The following SLC44A1 variants were observed in gnomAD, a reference collection of about 807,000 sequenced individuals.
SLC44A1 encodes choline transporter-like protein 1.
In SLC44A1, 26 loss-of-function variants were observed where a neutral mutation model predicts 79.3. The ratio of observed to expected loss-of-function variants is 0.33; its 90% CI spans 0.24 to 0.46. The LOEUF is 0.46. Ranked by LOEUF, SLC44A1 falls within the 20% of genes least tolerant of loss-of-function variation. SLC44A1 has a pLI of 1.00. For missense variants in SLC44A1, 688 were observed against 798.1 expected (o/e 0.86, Z 1.66); for synonymous variants, 263 against 286.2 (o/e 0.92, Z 0.82).
At chr9:105,410,964 T>A (rs1031872686) in intron 15 of SLC44A1, among the ~76,000 whole-genome samples, 3 of 152,180 alleles carry the variant, frequency 2.0e-5, no homozygotes, top group Non-Finnish European at 4.4e-5. Flanking sequence ...ATTCCATGTA[T>A]ATGAAATATC....
At chr9:105,305,632 A>G (rs1237594539) in intron 2 of SLC44A1, among the ~76,000 whole-genome samples, 2 of 152,112 alleles carry the variant, frequency 1.3e-5, no homozygotes, top group African/African-American at 2.4e-5. Context: ...CATTAATTCC[A>G]CAGGAGAGGG....
chr9:105,244,677 CGGGGGATGTG>C lies in SLC44A1; in HGVS notation c.-190_-181del. ...GACGCGTAGCCGCCGTCGCCGCCGC[CGGGGGATGTG>C]GCCGGCGCCTGCCTCTAGCCGCGCC... On this transcript the variant is annotated 5_prime_UTR_variant, in exon 1 of 16. It removes an upstream start codon present in the reference 5' UTR. Transcript: ENST00000374720. The C allele has an allele frequency of 3.6e-6, 1 of 275,748 alleles. No homozygotes were observed. The highest frequency in any genetic ancestry group is 6.7e-6 in the Non-Finnish European group (1 of 148,946). 17.1% of individuals were successfully genotyped at this position (275,748 alleles called of 1,614,324 possible). A position where few individuals can be genotyped will look rare whatever the true frequency, so the allele number is the denominator to read the frequency against.
chr9:105,438,076 A>T (rs1829486546), intron 15 of SLC44A1, among the ~76,000 whole-genome samples: 2 of 152,186 alleles, frequency 1.3e-5, no homozygotes, highest in South Asian at 4.1e-4. Context: ...TAACTTGTGC[A>T]TGAATACACA....
intron 4 of SLC44A1, among the ~76,000 whole-genome samples, chr9:105,345,339 A>G (rs1376093353): frequency 2.0e-5 from 3 of 152,194 alleles, no homozygotes; most frequent in Non-Finnish European, 4.4e-5. Flanking sequence ...GGATGTTGGA[A>G]CCATTAGCCA....
intron 1 of SLC44A1, among the ~76,000 whole-genome samples, chr9:105,251,351 A>T (rs542717116): frequency 2.0e-5 from 3 of 152,002 alleles, no homozygotes; most frequent in Admixed American, 2.0e-4. Flanking sequence ...GACCTTCTCA[A>T]CGTCACTGCC....
intron 2 of SLC44A1, among the ~76,000 whole-genome samples, chr9:105,300,983 T>C (rs550376307): frequency 1.3e-5 from 2 of 152,210 alleles, no homozygotes; most frequent in South Asian, 4.1e-4. Context: ...TTGGCCAGGC[T>C]GATCTCAAAC....
intron 2 of SLC44A1, among the ~76,000 whole-genome samples, chr9:105,308,188 A>C (rs956441353): frequency 6.6e-6 from 1 of 152,226 alleles, no homozygotes; most frequent in African/African-American, 2.4e-5. Context: ...ATTGATCAAC[A>C]CAGGCTTTTC....
At chr9:105,433,448 C>T (rs141683855) in intron 15 of SLC44A1, among the ~76,000 whole-genome samples, 1 of 152,256 alleles carries the variant, frequency 6.6e-6, no homozygotes, top group Non-Finnish European at 1.5e-5. Context: ...AGACACCATC[C>T]CCTACTCTGT....
At chr9:105,255,095 TTTTTTG>T (rs1454376589) in intron 1 of SLC44A1, among the ~76,000 whole-genome samples, 1 of 150,638 alleles carries the variant, frequency 6.6e-6, no homozygotes, top group African/African-American at 2.5e-5. Flanking sequence ...ACTTTCAGGT[TTTTTTG>T]TTTTTTTTTT....
intron 1 of SLC44A1, among the ~76,000 whole-genome samples, chr9:105,249,945 T>A (rs1829544296): frequency 6.7e-6 from 1 of 150,124 alleles, no homozygotes; most frequent in South Asian, 2.1e-4. Context: ...CATAGCTCAC[T>A]GCAGCTTTGA....
intron 3 of SLC44A1, among the ~76,000 whole-genome samples, chr9:105,332,774 A>G (rs1251748049): frequency 1.3e-5 from 2 of 152,160 alleles, no homozygotes; most frequent in African/African-American, 4.8e-5. Context: ...TTATGCCCAT[A>G]TAAGAAAGGG....
In SLC44A1 at chr9:105,394,716, C is replaced by T; in HGVS notation, c.*5660C>T. ...TTGAAGATGATGATAAATTAGCAAA[C>T]TCAAGGGTAGTCCATAGTTGGCAAA... On this transcript the variant is annotated 3_prime_UTR_variant, in exon 16 of 16. Transcript: ENST00000374720. 1.0e-6 allele frequency: 1 copy of T among 985,352 alleles called. No homozygotes were observed. The highest frequency in any genetic ancestry group is 1.2e-6 in the Non-Finnish European group (1 of 829,908). The allele number at this position is 985,352 out of a possible 1,614,324, so 61.0% of individuals were successfully genotyped here.
At chr9:105,322,947 G>T (rs1207906383) in intron 3 of SLC44A1, among the ~76,000 whole-genome samples, 2 of 151,664 alleles carry the variant, frequency 1.3e-5, no homozygotes, top group Non-Finnish European at 2.9e-5. Flanking sequence ...ATAAGGCTGG[G>T]CGCAGTGGCT....
chr9:105,360,697 A>G (rs372028821), intron 7 of SLC44A1, among the ~76,000 whole-genome samples: 3 of 152,130 alleles, frequency 2.0e-5, no homozygotes, highest in East Asian at 3.8e-4. Flanking sequence ...TTTGATTTGC[A>G]TTTATTCATT....
Position 105,389,211 on chromosome 9 carries a change from G to A in SLC44A1, c.*155G>A. ...CACACACATAAATCAGCCAAAATCA[G>A]AGAAAAGGAACAGGGATTTAATACC... is the stretch of plus-strand genomic sequence containing the variant. On this transcript the variant is annotated 3_prime_UTR_variant, in exon 16 of 16. Transcript: ENST00000374720. 1 of 1,336,238 alleles carries A rather than the reference G, an allele frequency of 7.5e-7. No individual in the cohort carries two copies. The highest frequency in any genetic ancestry group is 9.6e-7 in the Non-Finnish European group (1 of 1,037,068). The allele number at this position is 1,336,238 out of a possible 1,614,324, so 82.8% of individuals were successfully genotyped here.
In SLC44A1 at chr9:105,392,822, T is replaced by C; in HGVS notation, c.*3766T>C. 1.0e-6 allele frequency: 1 copy of C among 985,466 alleles called. No individual in the cohort carries two copies. The highest frequency in any genetic ancestry group is 1.2e-6 in the Non-Finnish European group (1 of 829,924). 61.0% of individuals were successfully genotyped at this position (985,466 alleles called of 1,614,324 possible). On this transcript the variant is annotated 3_prime_UTR_variant, in exon 16 of 16. Coordinates refer to ENST00000374720, the MANE Select transcript of SLC44A1 (RefSeq NM_080546.5). The stretch of plus-strand genomic sequence containing the variant: ...TGACTTGAATATTTTATTTGATTTT[T>C]GGTCAGTAACCTTGTCATTTAAATT...
chr9:105,428,213 AAT>A (rs1829347612), intron 15 of SLC44A1, among the ~76,000 whole-genome samples: 1 of 152,098 alleles, frequency 6.6e-6, no homozygotes, highest in Non-Finnish European at 1.5e-5. Flanking sequence ...AAATCAGTTA[AAT>A]AGTTACCTAT....
At chr9:105,324,150 C>T (rs901958394) in intron 3 of SLC44A1, among the ~76,000 whole-genome samples, 12 of 151,338 alleles carry the variant, frequency 7.9e-5, no homozygotes, top group African/African-American at 2.4e-4. Context: ...TACAGGCGCC[C>T]GCCACCACGC....
At chr9:105,253,126 C>T (rs1010944746) in intron 1 of SLC44A1, among the ~76,000 whole-genome samples, 1 of 152,094 alleles carries the variant, frequency 6.6e-6, no homozygotes, top group African/African-American at 2.4e-5. Context: ...TACAATATCC[C>T]ACAACCAGAT....
Sources: gnomAD v4.1 joint callset for allele counts (sites outside exome capture counted in the v4.1 genomes callset) on GRCh38, gnomAD v4.1.1 for gene constraint, MANE v1.5 for transcripts, NCBI Gene and HGNC (gene_info 2026-07-23, HGNC 2026-07-21) for gene names.